Variants in GRM3 observed in about 807,000 individuals in gnomAD.
The protein encoded by GRM3 is glutamate metabotropic receptor 3.
GRM3 carries 26 observed loss-of-function variants against 70.5 expected under a neutral mutation model. The observed-to-expected ratio is 0.37, with a 90% CI of 0.27 to 0.51. GRM3 has a LOEUF of 0.51. Ranked by LOEUF, GRM3 falls within the 20% of genes least tolerant of loss-of-function variation. GRM3 has a pLI of 0.93. For synonymous variants in GRM3, 443 were observed against 434.9 expected, an observed-to-expected ratio of 1.02 and a Z score of -0.23; for missense variants, 859 against 1,123.8, an observed-to-expected ratio of 0.76 and a Z score of 3.37.
chr7:86,786,172 A>C lies in GRM3; in HGVS notation c.469-89A>C. 9.2e-7 allele frequency: 1 copy of C among 1,086,680 alleles called. No individual in the cohort carries two copies. Among genetic ancestry groups the C allele is most frequent in the Non-Finnish European group, 1.3e-6 (1 of 743,392 alleles). The allele number at this position is 1,086,680 out of a possible 1,614,324, so 67.3% of individuals were successfully genotyped here. A position where few individuals can be genotyped will look rare whatever the true frequency, so the allele number is the denominator to read the frequency against. ...TCTAGAGTAGAGGGAAAAGGGAGTC[A>C]GTAAAAGGTGTGGATGCTATTATTC... On this transcript the variant is annotated intron_variant, in intron 2 of 5. Coordinates refer to ENST00000361669, the MANE Select transcript of GRM3 (RefSeq NM_000840.3). This position sits in a 1 kb window ranked among gnomAD's most constrained non-coding sequence, Gnocchi z 6.0.
intron 3 of GRM3, among the ~76,000 whole-genome samples, chr7:86,791,849 C>G (rs1797427756): frequency 6.6e-6 from 1 of 152,110 alleles, no homozygotes; most frequent in Admixed American, 6.5e-5. Context: ...AACGCTGAGC[C>G]TTGGATTCCA....
rs1346866985 is a variant in GRM3, at chr7:86,786,878, C to T, written c.1086C>T (p.Ser362=). Reference sequence around the variant, plus strand: ...TCTGGGAGCAAAAGTTTCAGTGCAGCCTCCAGAACAAACGCAACCACAGGC... The same window carrying T: ...TCTGGGAGCAAAAGTTTCAGTGCAGTCTCCAGAACAAACGCAACCACAGGC... The part of the protein sequence containing the change: ...RDFWEQKFQC[S]LQNKRNHRRV... The change falls in exon 3 of 6, where the codon AGC becomes AGT. Residue 362 remains serine (S), a synonymous_variant. Coordinates refer to ENST00000361669, the MANE Select transcript of GRM3 (RefSeq NM_000840.3). The surrounding 1 kb of genome is among the most constrained non-coding windows in gnomAD (Gnocchi z 6.0). 2 of 1,614,244 alleles carry T rather than the reference C, an allele frequency of 1.2e-6. No homozygotes were observed. The highest frequency in any genetic ancestry group is 1.7e-6 in the Non-Finnish European group (2 of 1,180,036).
chr7:86,780,851 A>G (rs1797035425), intron 2 of GRM3, among the ~76,000 whole-genome samples: 1 of 152,214 alleles, frequency 6.6e-6, no homozygotes, highest in Non-Finnish European at 1.5e-5. Context: ...ATAGCAAGGG[A>G]TGATTGGTCA....
At chr7:86,700,035 C>G (rs1420488509) in intron 1 of GRM3, among the ~76,000 whole-genome samples, 1 of 151,996 alleles carries the variant, frequency 6.6e-6, no homozygotes, top group East Asian at 1.9e-4. Context: ...GAATTTTCCA[C>G]AGTCCAGAGG....
At chr7:86,789,459 T>C (rs1797352402) in intron 3 of GRM3, among the ~76,000 whole-genome samples, 1 of 152,232 alleles carries the variant, frequency 6.6e-6, no homozygotes, top group African/African-American at 2.4e-5. Context: ...AGGTAAAAGA[T>C]TATAAGTATG....
At chr7:86,645,012 G>A (rs1584134072) in intron 1 of GRM3, 140 bp downstream of exon 1, 1 of 380,228 alleles carries the variant, frequency 2.6e-6, no homozygotes, top group East Asian at 7.3e-5. Flanking sequence ...ACTGGAGTGG[G>A]AAGGGTGGAG....
intron 1 of GRM3, among the ~76,000 whole-genome samples, chr7:86,730,110 G>C (rs1411154009): frequency 6.7e-6 from 1 of 148,984 alleles, no homozygotes; most frequent in African/African-American, 2.5e-5. Flanking sequence ...GCAAAACTCT[G>C]CCTCAAAAAA....
intron 3 of GRM3, among the ~76,000 whole-genome samples, chr7:86,798,996 T>C (rs903990556): frequency 1.3e-5 from 2 of 152,144 alleles, no homozygotes; most frequent in Non-Finnish European, 1.5e-5. Flanking sequence ...AATTACCTAG[T>C]CTTGGGTATG....
At chr7:86,762,426 A>C (rs1480844468) in intron 1 of GRM3, among the ~76,000 whole-genome samples, 1 of 152,116 alleles carries the variant, frequency 6.6e-6, no homozygotes, top group Non-Finnish European at 1.5e-5. Context: ...ACAGAAAGTA[A>C]GCAGAAATCT....
chr7:86,666,675 A>AT (rs1287211101), intron 1 of GRM3, among the ~76,000 whole-genome samples: 2 of 151,860 alleles, frequency 1.3e-5, no homozygotes, highest in East Asian at 3.9e-4. Flanking sequence ...CAAACTAGCT[A>AT]TTTTTTTAAT....
chr7:86,861,279 A>T (rs1267573459), intron 5 of GRM3, among the ~76,000 whole-genome samples: 3 of 152,192 alleles, frequency 2.0e-5, no homozygotes, highest in African/African-American at 7.2e-5. Context: ...TGGTTTCCTG[A>T]TTCTTTGAAA....
chr7:86,800,604 C>T (rs1038041415), intron 3 of GRM3, among the ~76,000 whole-genome samples: 1 of 152,146 alleles, frequency 6.6e-6, no homozygotes, highest in African/African-American at 2.4e-5. Flanking sequence ...AGTTGAATCC[C>T]TGAATAGACC....
intron 3 of GRM3, among the ~76,000 whole-genome samples, chr7:86,798,188 T>C (rs1797599408): frequency 1.3e-5 from 2 of 152,140 alleles, no homozygotes; most frequent in South Asian, 2.1e-4. Flanking sequence ...GACTGCATAG[T>C]GGAGCTGTGA....
At position 86,839,410 on chromosome 7, in the gene GRM3, C is replaced by T; in HGVS notation, c.1896C>T (p.Phe632=). ...VGLSYCMTFF[F]IAKPSPVICA... ...TGTCATACTGCATGACATTCTTCTTCATTGCCAAGCCATCACCAGTCATCT... is the reference window on the plus strand; with the variant it reads ...TGTCATACTGCATGACATTCTTCTTTATTGCCAAGCCATCACCAGTCATCT... Residue 632 remains phenylalanine, a synonymous_variant, in exon 4 of 6, where the codon TTC becomes TTT. Transcript: ENST00000361669. The surrounding 1 kb of genome is among the most constrained non-coding windows in gnomAD (Gnocchi z 4.5). 1 of 1,613,984 alleles carries T rather than the reference C, an allele frequency of 6.2e-7. No homozygotes were observed. The highest frequency in any genetic ancestry group is 8.5e-7 in the Non-Finnish European group (1 of 1,179,880).
At chr7:86,782,136 T>C (rs1160087750) in intron 2 of GRM3, among the ~76,000 whole-genome samples, 1 of 152,150 alleles carries the variant, frequency 6.6e-6, no homozygotes, top group Non-Finnish European at 1.5e-5. Flanking sequence ...TGCTTATTCA[T>C]TTATATTTCT....
chr7:86,647,820 G>T (rs962545479), intron 1 of GRM3, among the ~76,000 whole-genome samples: 4 of 152,070 alleles, frequency 2.6e-5, no homozygotes, highest in African/African-American at 4.8e-5. Flanking sequence ...TGTAGGCTTG[G>T]TCCCCATAGC....
intron 3 of GRM3, among the ~76,000 whole-genome samples, chr7:86,810,288 A>C (rs1218599005): frequency 1.3e-5 from 2 of 152,038 alleles, no homozygotes; most frequent in Non-Finnish European, 2.9e-5. Context: ...TCCATTATAC[A>C]GTTGTGGTCA....
chr7:86,808,372 G>T (rs1797839586), intron 3 of GRM3, among the ~76,000 whole-genome samples: 1 of 152,008 alleles, frequency 6.6e-6, no homozygotes, highest in Non-Finnish European at 1.5e-5. Context: ...AATCCGTCTG[G>T]TCCTGGACTT....
At chr7:86,744,045 G>A (rs1264098226) in intron 1 of GRM3, among the ~76,000 whole-genome samples, 1 of 152,016 alleles carries the variant, frequency 6.6e-6, no homozygotes, top group Admixed American at 6.6e-5. Context: ...GCCAAGAGCT[G>A]TTCAAGACCC....
Sources: allele counts gnomAD v4.1 joint callset (sites outside exome capture counted in the v4.1 genomes callset), GRCh38; gene constraint gnomAD v4.1.1; non-coding constraint Gnocchi (gnomAD v3.1); transcripts MANE v1.5; gene names NCBI Gene and HGNC (gene_info 2026-07-23, HGNC 2026-07-21).